The following RHOA variants were observed in gnomAD, a reference collection of about 807,000 sequenced individuals.
The protein encoded by RHOA is ras homolog family member A.
RHOA carries 3 observed loss-of-function variants against 17.5 expected under a neutral mutation model. The ratio of observed to expected loss-of-function variants is 0.17; its 90% confidence interval spans 0.08 to 0.44. The LOEUF (loss-of-function observed/expected upper bound fraction) is 0.44. Ranked by LOEUF, RHOA falls within the 20% of genes least tolerant of loss-of-function variation. The pLI, the probability that RHOA is intolerant of heterozygous loss-of-function variation, is 0.99. For synonymous variants in RHOA, 98 were observed against 88.4 expected (o/e 1.11, Z -0.61); for missense variants, 56 against 242.3 (o/e 0.23, Z 5.10).
chr3:49,395,628 G>A (rs2048602543), intron 1 of RHOA, among the ~76,000 whole-genome samples: 1 of 151,224 alleles, frequency 6.6e-6, no homozygotes, highest in African/African-American at 2.4e-5. Flanking sequence ...TAGGAGAATC[G>A]CTTGAACCCA....
rs374020319 is a variant in RHOA at position 49,404,433 on chromosome 3, A to AACACAC, written c.-3+7381_-3+7386dup. Among the ~76,000 whole-genome samples, 201 of 90,752 alleles carry AACACAC rather than the reference A, an allele frequency of 2.2e-3. 4 individuals carry two copies. Among genetic ancestry groups the AACACAC allele is most frequent in the African/African-American group, 6.7e-3 (163 of 24,506 alleles). The allele number at this position is 90,752 out of a possible 152,430, so 59.5% of individuals were successfully genotyped here. On this transcript the variant is annotated intron_variant, in intron 1 of 4. Coordinates refer to ENST00000418115, the MANE Select transcript of RHOA (RefSeq NM_001664.4). The stretch of plus-strand genomic sequence containing the variant: ...CAAAGTAAAACCCCGTCTCTAGTAA[A>AACACAC]ACACACACACACACACACACACACA...
chr3:49,398,636 A>C (rs878885993), intron 1 of RHOA, among the ~76,000 whole-genome samples: 5 of 150,562 alleles, frequency 3.3e-5, no homozygotes, highest in Non-Finnish European at 5.9e-5. Flanking sequence ...ATCCTGGCTA[A>C]AACACCATGA....
intron 2 of RHOA, among the ~76,000 whole-genome samples, chr3:49,374,028 T>C (rs1382947805): frequency 6.6e-6 from 1 of 152,084 alleles, no homozygotes; most frequent in Non-Finnish European, 1.5e-5. Flanking sequence ...ATAAAACAAC[T>C]GTGGCAGGCT....
intron 1 of RHOA, among the ~76,000 whole-genome samples, chr3:49,396,214 G>C (rs2048613587): frequency 6.6e-6 from 1 of 152,212 alleles, no homozygotes; most frequent in Non-Finnish European, 1.5e-5. Flanking sequence ...CCACAGGCAA[G>C]AGTAGATGGC....
intron 1 of RHOA, among the ~76,000 whole-genome samples, chr3:49,390,757 G>A (rs1575667450): frequency 6.6e-6 from 1 of 152,082 alleles, no homozygotes; most frequent in Non-Finnish European, 1.5e-5. Context: ...ATCTATTTCA[G>A]AAAAGGTAAA....
intron 1 of RHOA, among the ~76,000 whole-genome samples, chr3:49,387,399 G>T (rs1453157976): frequency 6.9e-6 from 1 of 144,766 alleles, no homozygotes; most frequent in African/African-American, 2.6e-5. Flanking sequence ...AGCCGAGATC[G>T]TGCCATTGCA....
At chr3:49,397,936 A>C (rs1431883319) in intron 1 of RHOA, among the ~76,000 whole-genome samples, 1 of 152,222 alleles carries the variant, frequency 6.6e-6, no homozygotes, top group Non-Finnish European at 1.5e-5. Context: ...CGGACTAAGG[A>C]ATCTTAGCGG....
intron 2 of RHOA, among the ~76,000 whole-genome samples, chr3:49,369,866 G>A (rs561255975): frequency 2.0e-5 from 3 of 152,288 alleles, no homozygotes; most frequent in Admixed American, 6.5e-5. Flanking sequence ...TCGGAAGTTC[G>A]AGACTAGCCT....
intron 1 of RHOA, among the ~76,000 whole-genome samples, chr3:49,392,142 TA>T (rs1246950655): frequency 2.0e-5 from 3 of 151,874 alleles, no homozygotes; most frequent in Non-Finnish European, 2.9e-5. Flanking sequence ...AATTTATCTT[TA>T]AAAAAACAAA....
intron 4 of RHOA, chr3:49,361,175 A>G (rs1365230044): frequency 6.1e-6 from 1 of 164,868 alleles, no homozygotes; most frequent in Non-Finnish European, 1.3e-5. Context: ...AATCTCTAAT[A>G]AACATGGTAT....
chr3:49,365,918 A>T (rs1575644536), intron 3 of RHOA, among the ~76,000 whole-genome samples: 1 of 152,218 alleles, frequency 6.6e-6, no homozygotes, highest in African/African-American at 2.4e-5. Context: ...AACCAAGCGC[A>T]GCAGTGTGTG....
At chr3:49,368,628 ACATTGAAATGGCAGAC>A (rs1020263176) in intron 2 of RHOA, 80 bp from the exon 3 acceptor site, 53 of 1,489,872 alleles carry the variant, frequency 3.6e-5, no homozygotes, top group East Asian at 4.5e-5. Flanking sequence ...TTACCATAGT[ACATTGAAATGGCAGAC>A]CATTGAAATG....
rs530715779 is a variant in RHOA at position 49,378,111 on chromosome 3, T to TGCACTCCAGCCTGGGCAACAGA, written c.-2-2542_-2-2521dup. 2.9e-5 allele frequency among the ~76,000 whole-genome samples: 4 copies of TGCACTCCAGCCTGGGCAACAGA among 138,884 alleles called. No homozygotes were observed. The South Asian group carries it at 7.0e-4, about 24-fold the overall frequency. The allele number at this position is 138,884 out of a possible 152,430, so 91.1% of individuals were successfully genotyped here. ...TTGCAGTGAGCCCAGATTGTACCAC[T>TGCACTCCAGCCTGGGCAACAGA]GCACTCCAGCCTGGGCAACAGAGCA... On this transcript the variant is annotated intron_variant, in intron 1 of 4. Coordinates refer to ENST00000418115, the MANE Select transcript of RHOA (RefSeq NM_001664.4).
intron 1 of RHOA, among the ~76,000 whole-genome samples, chr3:49,399,386 T>C (rs1206180578): frequency 6.7e-6 from 1 of 148,736 alleles, no homozygotes; most frequent in Non-Finnish European, 1.5e-5. Flanking sequence ...AAAAAAAGTG[T>C]GTTAACAAAT....
rs2048943707 is a variant in RHOA at position 49,411,802 on chromosome 3, G to A, written c.-3+18C>T. 1 of 151,930 alleles carries A rather than the reference G, an allele frequency of 6.6e-6. No individual in the cohort carries two copies. The highest frequency in any genetic ancestry group is 2.1e-4 in the South Asian group (1 of 4,836). 9.4% of individuals were successfully genotyped at this position (151,930 alleles called of 1,614,324 possible). On this transcript the variant is annotated intron_variant, in intron 1 of 4. Coordinates refer to ENST00000418115, the MANE Select transcript of RHOA (RefSeq NM_001664.4). Reference sequence around the variant, plus strand: ...GGCCTGGGGCCCCGCGGCGCCTGGAGGGAACCCTTCCGCTCACCTCAGGCA... The same window carrying A: ...GGCCTGGGGCCCCGCGGCGCCTGGAAGGAACCCTTCCGCTCACCTCAGGCA...
In RHOA at chr3:49,405,108, C is replaced by A. The variant is rs187295353; in HGVS notation, c.-3+6712G>T. 3.5e-3 allele frequency among the ~76,000 whole-genome samples: 514 copies of A among 148,904 alleles called. 12 individuals carry two copies. The highest frequency in any genetic ancestry group is 0.03 in the Admixed American group (449 of 14,954). On this transcript the variant is annotated intron_variant, in intron 1 of 4. Coordinates refer to ENST00000418115, the MANE Select transcript of RHOA (RefSeq NM_001664.4). Reference sequence around the variant, plus strand: ...ACTAAAAATACAAAAAAAAAAAACACCTAGCCGGGCGTGGTGGCGGGCACC... The same window carrying A: ...ACTAAAAATACAAAAAAAAAAAACAACTAGCCGGGCGTGGTGGCGGGCACC...
At chr3:49,388,013 T>C in intron 1 of RHOA, among the ~76,000 whole-genome samples, 1 of 151,912 alleles carries the variant, frequency 6.6e-6, no homozygotes, top group Non-Finnish European at 1.5e-5. Flanking sequence ...TTCTCTTTTT[T>C]TTTTTTTCCT....
intron 1 of RHOA, among the ~76,000 whole-genome samples, chr3:49,396,579 C>T (rs574211385): frequency 1.3e-5 from 2 of 152,118 alleles, no homozygotes; most frequent in African/African-American, 4.8e-5. Flanking sequence ...TGATGGCACA[C>T]GTCTGTAATC....
At chr3:49,396,138 T>C (rs1026617598) in intron 1 of RHOA, among the ~76,000 whole-genome samples, 12 of 152,106 alleles carry the variant, frequency 7.9e-5, no homozygotes, top group South Asian at 2.1e-4. Flanking sequence ...CCAAACTACA[T>C]GCTTGCAAAA....
Sources: gnomAD v4.1 joint callset for allele counts (sites outside exome capture counted in the v4.1 genomes callset) on GRCh38, gnomAD v4.1.1 for gene constraint, MANE v1.5 for transcripts, NCBI Gene and HGNC (gene_info 2026-07-23, HGNC 2026-07-21) for gene names.